Variants in ZGRF1 observed in about 807,000 individuals in gnomAD.
The protein encoded by ZGRF1 is zinc finger GRF-type containing 1.
Under a neutral mutation model 203.5 loss-of-function variants are expected in ZGRF1, and 196 were observed. That is an observed-to-expected ratio of 0.96 (90% CI 0.86 to 1.08). ZGRF1 has a LOEUF of 1.08. Among genes scored for constraint, ZGRF1 ranks in the 50% least tolerant of loss-of-function variants. The pLI is 0.00. For missense variants in ZGRF1, 2,326 were observed against 2,416.3 expected, an observed-to-expected ratio of 0.96 and a Z score of 0.78; for synonymous variants, 809 against 841.3, an observed-to-expected ratio of 0.96 and a Z score of 0.66.
chr4:112,596,359 T>A lies in ZGRF1; in HGVS notation c.2977-6485A>T, dbSNP rs191317032. Among the ~76,000 whole-genome samples, 303 of 152,254 alleles carry A rather than the reference T, an allele frequency of 2.0e-3. 1 individual carries two copies. Among genetic ancestry groups the A allele is most frequent in the African/African-American group, 7.1e-3 (295 of 41,564 alleles). On this transcript the variant is annotated intron_variant, in intron 10 of 27. Transcript: ENST00000505019. ...AATAACCATGGAAGGGCTCAGAAAC[T>A]GAAGGCCACAGGTGTTGCTGAAAGT...
intron 10 of ZGRF1, among the ~76,000 whole-genome samples, chr4:112,593,872 T>A (rs1229721561): frequency 6.6e-6 from 1 of 151,884 alleles, no homozygotes; most frequent in African/African-American, 2.4e-5. Flanking sequence ...CAATTGATCG[T>A]CCCACCCCCG....
chr4:112,633,198 C>T lies in ZGRF1; in HGVS notation c.-22G>A, dbSNP rs751378549. On this transcript the variant is annotated 5_prime_UTR_variant, in exon 2 of 28. Coordinates refer to ENST00000505019, the MANE Select transcript of ZGRF1 (RefSeq NM_018392.5). The stretch of plus-strand genomic sequence containing the variant: ...CCATTATTTCTTCTGAAGTTATAAA[C>T]CAGCTGGGTCCAGAAAATAGGAAAT... 1.3e-5 allele frequency: 20 copies of T among 1,597,018 alleles called. No individual in the cohort carries two copies. In the Admixed American group the frequency reaches 1.9e-4, roughly 15 times the overall value.
intron 9 of ZGRF1, 183 bp downstream of exon 9, chr4:112,605,825 T>G: frequency 1.8e-6 from 1 of 562,806 alleles, no homozygotes; most frequent in South Asian, 2.1e-5. Flanking sequence ...AGAGAAAGTT[T>G]AAGACCAAAA....
At position 112,579,955 on chromosome 4, in the gene ZGRF1, A is replaced by C. The variant is rs1578345512; in HGVS notation, c.4438+1708T>G. On this transcript the variant is annotated intron_variant, in intron 16 of 27. Coordinates refer to ENST00000505019, the MANE Select transcript of ZGRF1 (RefSeq NM_018392.5). ...TTCACATGGAACCAAAAAAGAGCCC[A>C]CATTGCTAAGTCGATCCTAAGCCAA... Among the ~76,000 whole-genome samples the C allele has an allele frequency of 4.1e-5, 5 of 123,034 alleles. 2 individuals carry two copies. In the South Asian group the frequency reaches 9.1e-4, roughly 22 times the overall value. The allele number at this position is 123,034 out of a possible 152,430, so 80.7% of individuals were successfully genotyped here. A position where few individuals can be genotyped will look rare whatever the true frequency, so the allele number is the denominator to read the frequency against.
At chr4:112,566,318 C>T (rs1743061450) in intron 16 of ZGRF1, among the ~76,000 whole-genome samples, 1 of 121,422 alleles carries the variant, frequency 8.2e-6, no homozygotes, top group South Asian at 2.5e-4. Flanking sequence ...GGAAGGGGAA[C>T]ATCACACTCT....
chr4:112,539,890 A>G lies in ZGRF1; in HGVS notation c.6145T>C (p.Trp2049Arg), dbSNP rs754351597. The G allele has an allele frequency of 1.9e-6, 3 of 1,613,872 alleles. No individual in the cohort carries two copies. Among genetic ancestry groups the G allele is most frequent in the Middle Eastern group, 3.3e-4 (2 of 6,062 alleles). Reference protein sequence around the residue: ...NLACLRKNQLWGRVIQHCEGR... With the variant: ...NLACLRKNQLRGRVIQHCEGR... Reference sequence around the variant, plus strand: ...TCGCAGTGTTGGATCACTCGTCCCCAAAGTTGATTTTTCCTCAAACAGGCT... The same window carrying G: ...TCGCAGTGTTGGATCACTCGTCCCCGAAGTTGATTTTTCCTCAAACAGGCT... The change falls in exon 27 of 28, where the codon TGG becomes CGG. Residue 2049 changes from tryptophan to arginine, a missense_variant. Transcript: ENST00000505019.
At chr4:112,582,707 AC>A (rs1345513975) in intron 15 of ZGRF1, among the ~76,000 whole-genome samples, 1 of 151,994 alleles carries the variant, frequency 6.6e-6, no homozygotes, top group Admixed American at 6.6e-5. Context: ...TGATTCACCC[AC>A]CTTAGCCTCC....
chr4:112,617,245 T>C (rs542534280), intron 6 of ZGRF1, among the ~76,000 whole-genome samples, 195 bp downstream of exon 6: 5 of 152,290 alleles, frequency 3.3e-5, no homozygotes, highest in African/African-American at 1.2e-4. Flanking sequence ...TTCTGAAGGG[T>C]AGAATAAGGG....
chr4:112,580,914 C>A (rs1398558484), intron 16 of ZGRF1, among the ~76,000 whole-genome samples: 1 of 152,016 alleles, frequency 6.6e-6, no homozygotes, highest in African/African-American at 2.4e-5. Flanking sequence ...TTGACCCAGC[C>A]ATCCCATTAC....
chr4:112,630,170 G>GT (rs1408194495), intron 3 of ZGRF1, among the ~76,000 whole-genome samples: 2 of 152,146 alleles, frequency 1.3e-5, no homozygotes, highest in African/African-American at 4.8e-5. Flanking sequence ...GGCAAAATTA[G>GT]TTTTTTAATT....
intron 20 of ZGRF1, among the ~76,000 whole-genome samples, chr4:112,557,782 T>C (rs140945952): frequency 6.6e-6 from 1 of 152,340 alleles, no homozygotes; most frequent in Non-Finnish European, 1.5e-5. Flanking sequence ...AAACAAACTG[T>C]GAGAAATGTG....
intron 10 of ZGRF1, 34 bp from the exon 11 acceptor site, chr4:112,589,908 A>G (rs766424645): frequency 1.3e-6 from 2 of 1,491,652 alleles, no homozygotes; most frequent in South Asian, 2.9e-5. Context: ...CTACAGACCA[A>G]AATCTTCTGA....
chr4:112,551,319 TA>T (rs1374520436), intron 22 of ZGRF1, among the ~76,000 whole-genome samples: 1 of 152,216 alleles, frequency 6.6e-6, no homozygotes, highest in African/African-American at 2.4e-5. Flanking sequence ...GACAAAATTG[TA>T]AAACAATACA....
In ZGRF1 at chr4:112,619,118, T is replaced by C. The variant is rs2046982141; in HGVS notation, c.924A>G (p.Thr308=). ...ATTGATGCTGGTAGTATAAATTTTC[T>C]GTGCTCTTCATCTCAGCACACTCTT... ...QQEECAEMKS[T]ENLYYQHQSE... Residue 308 remains threonine (T), a synonymous_variant, in exon 6 of 28, where the codon ACA becomes ACG. Transcript: ENST00000505019. The C allele has an allele frequency of 3.1e-6, 5 of 1,613,872 alleles. No individual in the cohort carries two copies. Among genetic ancestry groups the C allele is most frequent in the Admixed American group, 1.7e-5 (1 of 60,006 alleles).
intron 10 of ZGRF1, among the ~76,000 whole-genome samples, chr4:112,595,719 G>GT (rs1292628742): frequency 2.6e-5 from 4 of 152,142 alleles, no homozygotes; most frequent in South Asian, 4.2e-4. Flanking sequence ...TCAAAACAAC[G>GT]TAAGTATACT....
chr4:112,598,711 A>C (rs1749451874), intron 10 of ZGRF1, among the ~76,000 whole-genome samples: 1 of 152,120 alleles, frequency 6.6e-6, no homozygotes, highest in Admixed American at 6.5e-5. Flanking sequence ...ATCACAAAAA[A>C]CACTGACAAA....
chr4:112,541,252 A>G lies in ZGRF1; in HGVS notation c.5615T>C (p.Leu1872Pro). The G allele has an allele frequency of 6.4e-7, 1 of 1,572,042 alleles. No individual in the cohort carries two copies. The highest frequency in any genetic ancestry group is 8.7e-7 in the Non-Finnish European group (1 of 1,155,154). Residue 1872 changes from leucine to proline, a missense_variant, in exon 25 of 28, where the codon CTA becomes CCA. Transcript: ENST00000505019. ...ATGACAACGGTATTGAGTTCTCAAT[A>G]GAATTGGCTTGTGACCCTAAGAAAT... ...RLCLMGHKPI[L>P]LRTQYRCHPA... is the part of the protein sequence containing the mutation.
chr4:112,542,081 C>T (rs1211685851), intron 24 of ZGRF1, among the ~76,000 whole-genome samples: 1 of 152,126 alleles, frequency 6.6e-6, no homozygotes, highest in Non-Finnish European at 1.5e-5. Context: ...TGGTTCAACG[C>T]CTGTAATTCC....
At chr4:112,561,965 GT>G (rs1216408402) in intron 18 of ZGRF1, among the ~76,000 whole-genome samples, 1 of 148,354 alleles carries the variant, frequency 6.7e-6, no homozygotes, top group East Asian at 2.0e-4. Flanking sequence ...CCAGGCTGGG[GT>G]GCAATGGCAC....
Sources: gnomAD v4.1 joint callset for allele counts (sites outside exome capture counted in the v4.1 genomes callset) on GRCh38, gnomAD v4.1.1 for gene constraint, MANE v1.5 for transcripts, NCBI Gene and HGNC (gene_info 2026-07-23, HGNC 2026-07-21) for gene names.